The following STRN3 variants were observed in gnomAD, a reference collection of about 807,000 sequenced individuals.
STRN3 encodes the protein striatin-3.
In STRN3, 29 loss-of-function variants were observed where a neutral mutation model predicts 95.6. The observed-to-expected ratio is 0.30, with a 90% CI of 0.23 to 0.41. STRN3 has a LOEUF of 0.41. Ranked by LOEUF, STRN3 falls within the 10% of genes least tolerant of loss-of-function variation. The pLI, the probability that STRN3 is intolerant of heterozygous loss-of-function variation, is 1.00. For synonymous variants in STRN3, 331 were observed against 357.6 expected (o/e 0.93, Z 0.84); for missense variants, 890 against 972.1 (o/e 0.92, Z 1.12).
chr14:30,985,390 G>C (rs1291678112), intron 1 of STRN3, among the ~76,000 whole-genome samples: 3 of 151,824 alleles, frequency 2.0e-5, no homozygotes, highest in Admixed American at 1.3e-4. Context: ...GATGACCTGA[G>C]GTCGGGAGTT....
At chr14:30,912,482 A>G (rs1896635725) in intron 10 of STRN3, among the ~76,000 whole-genome samples, 1 of 152,222 alleles carries the variant, frequency 6.6e-6, no homozygotes, top group African/African-American at 2.4e-5. Flanking sequence ...GAACAAAATA[A>G]CTACCATTGC....
At chr14:30,938,829 G>C (rs191981126) in intron 5 of STRN3, among the ~76,000 whole-genome samples, 7 of 152,280 alleles carry the variant, frequency 4.6e-5, no homozygotes, top group Non-Finnish European at 2.9e-5. Flanking sequence ...GCATCATAAC[G>C]ATAGGTGGAA....
chr14:31,003,151 A>G (rs1882546673), intron 1 of STRN3, among the ~76,000 whole-genome samples: 2 of 151,190 alleles, frequency 1.3e-5, no homozygotes, highest in South Asian at 4.2e-4. Context: ...AATCCCAGCT[A>G]CTCGGGAGGC....
intron 1 of STRN3, among the ~76,000 whole-genome samples, chr14:30,965,768 CAAAAA>C (rs57644568): frequency 3.9e-5 from 4 of 103,788 alleles, no homozygotes; most frequent in African/African-American, 1.1e-4. Flanking sequence ...AACTCCATCT[CAAAAA>C]AAAAAAAAAA....
At chr14:30,998,138 C>A (rs1351442439) in intron 1 of STRN3, among the ~76,000 whole-genome samples, 1 of 152,160 alleles carries the variant, frequency 6.6e-6, no homozygotes, top group Non-Finnish European at 1.5e-5. Flanking sequence ...CTTCAAAGTC[C>A]CATCCCTAAA....
chr14:30,949,142 C>T (rs1879511246), intron 4 of STRN3, among the ~76,000 whole-genome samples: 1 of 152,222 alleles, frequency 6.6e-6, no homozygotes, highest in East Asian at 1.9e-4. Flanking sequence ...TATCCTAGCT[C>T]TTCACTTCCT....
chr14:30,945,954 T>C (rs1275831310), intron 5 of STRN3, among the ~76,000 whole-genome samples: 1 of 152,176 alleles, frequency 6.6e-6, no homozygotes, highest in Non-Finnish European at 1.5e-5. Flanking sequence ...TTAAGTATTC[T>C]AAAAACTATT....
chr14:30,958,889 A>T (rs568556876), intron 1 of STRN3, among the ~76,000 whole-genome samples: 2 of 152,342 alleles, frequency 1.3e-5, no homozygotes, highest in East Asian at 1.9e-4. Flanking sequence ...ACACTTAGAC[A>T]ATCTAGTAAA....
At position 30,935,147 on chromosome 14, in the gene STRN3, T is replaced by A; in HGVS notation, c.988+16A>T. On this transcript the variant is annotated intron_variant, in intron 7 of 17. Transcript: ENST00000357479. ...GGCTAGATTTCCTCCCACCCGGTAT[T>A]TCTTTATCACCTTACCCCATTCTGT... 1 of 1,611,044 alleles carries A rather than the reference T, an allele frequency of 6.2e-7. No homozygotes were observed. The highest frequency in any genetic ancestry group is 8.5e-7 in the Non-Finnish European group (1 of 1,178,768).
At chr14:30,993,670 T>C (rs1882067468) in intron 1 of STRN3, among the ~76,000 whole-genome samples, 1 of 149,590 alleles carries the variant, frequency 6.7e-6, no homozygotes, top group Non-Finnish European at 1.5e-5. Flanking sequence ...ACACATTCAT[T>C]GTAACTTTCA....
In STRN3 at chr14:30,956,307, G is replaced by T. The variant is rs1879901098; in HGVS notation, c.283-65C>A. On this transcript the variant is annotated intron_variant, in intron 1 of 17. Coordinates refer to ENST00000357479, the MANE Select transcript of STRN3 (RefSeq NM_001083893.2). The stretch of plus-strand genomic sequence containing the variant: ...AACCATACATAGGAAACTGAAAAAT[G>T]GAAAACGATAAACACAAACTGTTGC... 4 of 1,444,922 alleles carry T rather than the reference G, an allele frequency of 2.8e-6. No individual in the cohort carries two copies. In the South Asian group the frequency reaches 4.6e-5, roughly 17 times the overall value. The allele number at this position is 1,444,922 out of a possible 1,614,324, so 89.5% of individuals were successfully genotyped here. A position where few individuals can be genotyped will look rare whatever the true frequency, so the allele number is the denominator to read the frequency against.
At chr14:30,970,742 C>T (rs770192426) in intron 1 of STRN3, among the ~76,000 whole-genome samples, 1 of 152,230 alleles carries the variant, frequency 6.6e-6, no homozygotes, top group Admixed American at 6.5e-5. Flanking sequence ...AAGTTAAAGA[C>T]TTAAAACAAA....
intron 16 of STRN3, 51 bp from the exon 17 acceptor site, chr14:30,895,799 G>C (rs769422224): frequency 1.3e-6 from 2 of 1,486,938 alleles, no homozygotes; most frequent in South Asian, 2.5e-5. Flanking sequence ...ATACTAACTC[G>C]AGACAACAGA....
intron 5 of STRN3, among the ~76,000 whole-genome samples, chr14:30,940,039 T>A (rs1879019149): frequency 6.6e-6 from 1 of 152,138 alleles, no homozygotes; most frequent in Admixed American, 6.5e-5. Context: ...GTTTTTTTTT[T>A]AATTGCCTGG....
In STRN3 at chr14:30,898,737, T is replaced by C. The variant is rs140140051; in HGVS notation, c.2138-2989A>G. On this transcript the variant is annotated intron_variant, in intron 16 of 17. Coordinates refer to ENST00000357479, the MANE Select transcript of STRN3 (RefSeq NM_001083893.2). ...TGGCCTCGTGCTTCTGCTAATACTC[T>C]ACCAAAACTAATCCTAATTTTTTCC... is the stretch of plus-strand genomic sequence containing the variant. Among the ~76,000 whole-genome samples, 243 of 152,318 alleles carry C rather than the reference T, an allele frequency of 1.6e-3. 1 individual carries two copies. Among genetic ancestry groups the C allele is most frequent in the African/African-American group, 5.3e-3 (220 of 41,568 alleles).
chr14:31,002,850 G>A (rs1325942396), intron 1 of STRN3, among the ~76,000 whole-genome samples: 1 of 152,108 alleles, frequency 6.6e-6, no homozygotes, highest in African/African-American at 2.4e-5. Flanking sequence ...GGAGGGAAAT[G>A]AGTTATTGTT....
rs543180518 is a variant in STRN3 at position 30,964,868 on chromosome 14, G to A, written c.283-8626C>T. Among the ~76,000 whole-genome samples the A allele has an allele frequency of 7.9e-5, 12 of 151,358 alleles. No individual in the cohort carries two copies. The South Asian group carries it at 8.4e-4, about 11-fold the overall frequency. ...TCGGAGGTGAAGGTTGCAGTGAGCC[G>A]AGATAGCACCACTGCACTCCAGCCA... On this transcript the variant is annotated intron_variant, in intron 1 of 17. Coordinates refer to ENST00000357479, the MANE Select transcript of STRN3 (RefSeq NM_001083893.2).
chr14:30,979,222 A>C (rs1269139211), intron 1 of STRN3, among the ~76,000 whole-genome samples: 4 of 151,894 alleles, frequency 2.6e-5, no homozygotes, highest in Non-Finnish European at 5.9e-5. Context: ...ATGCACAGGA[A>C]GAAAACTACA....
intron 1 of STRN3, among the ~76,000 whole-genome samples, chr14:30,987,765 T>A (rs1211054337): frequency 2.0e-5 from 3 of 151,418 alleles, no homozygotes; most frequent in African/African-American, 4.9e-5. Context: ...TGAGACAGAC[T>A]CTCGTTCTGT....
Sources: gnomAD v4.1 joint callset for allele counts (sites outside exome capture counted in the v4.1 genomes callset) on GRCh38, gnomAD v4.1.1 for gene constraint, MANE v1.5 for transcripts, NCBI Gene and HGNC (gene_info 2026-07-23, HGNC 2026-07-21) for gene names.